XIAP: variants seen among roughly 807,000 people sequenced by gnomAD.
XIAP encodes the protein X-linked inhibitor of apoptosis.
XIAP carries 3 observed loss-of-function variants against 33.1 expected under a neutral mutation model. The ratio of observed to expected loss-of-function variants is 0.09; its 90% CI spans 0.04 to 0.23. The LOEUF is 0.23. Ranked by LOEUF, XIAP falls within the 10% of genes least tolerant of loss-of-function variation. The pLI is 1.00. For synonymous variants in XIAP, 98 were observed against 121.3 expected, an observed-to-expected ratio of 0.81 and a Z score of 1.26; for missense variants, 264 against 363.0, an observed-to-expected ratio of 0.73 and a Z score of 2.22.
At position 123,886,378 on chromosome X, in the gene XIAP, G is replaced by A. The variant is rs751640412; in HGVS notation, c.716G>A (p.Ser239Asn). 1.7e-6 allele frequency: 2 copies of A among 1,211,920 alleles called. No individual in the cohort carries two copies. The highest frequency in any genetic ancestry group is 2.2e-6 in the Non-Finnish European group (2 of 895,627). The change falls in exon 2 of 7, where the codon AGT (serine) becomes AAT (asparagine). Residue 239 changes from serine (S) to asparagine (N), a missense_variant. By Grantham distance (46) the Ser-to-Asn change is conservative (BLOSUM62 1). Coordinates refer to ENST00000371199, the MANE Select transcript of XIAP (RefSeq NM_001167.4). ...FVLGRNLNIR[S>N]ESDAVSSDRN... ...TTGGGCCGGAATCTTAATATTCGAA[G>A]TGAATCTGATGCTGTGAGTTCTGAT...
rs2053618632 is a variant in XIAP, at chrX:123,912,928, G to A, written c.*5747G>A. On this transcript the variant is annotated 3_prime_UTR_variant, in exon 7 of 7. Coordinates refer to ENST00000371199, the MANE Select transcript of XIAP (RefSeq NM_001167.4). ...CCCAAAGTGCTGGGATTACAGGCGT[G>A]AGCCACCACGGCCGGCTAATTTTTG... is the stretch of plus-strand genomic sequence containing the variant. 3.2e-6 allele frequency: 1 copy of A among 309,749 alleles called. No individual in the cohort carries two copies. Among genetic ancestry groups the A allele is most frequent in the Admixed American group, 3.5e-5 (1 of 28,671 alleles). 25.5% of individuals were successfully genotyped at this position (309,749 alleles called of 1,213,427 possible).
Position 123,862,299 on chromosome X carries a change from C to T in XIAP, c.-33+2006C>T, listed in dbSNP as rs1480500697. 2.8e-5 allele frequency among the ~76,000 whole-genome samples: 3 copies of T among 108,864 alleles called. No individual in the cohort carries two copies. The South Asian group carries it at 1.2e-3, about 44-fold the overall frequency. The allele number at this position is 108,864 out of a possible 115,157, so 94.5% of individuals were successfully genotyped here. A position where few individuals can be genotyped will look rare whatever the true frequency, so the allele number is the denominator to read the frequency against. On this transcript the variant is annotated intron_variant, in intron 1 of 6. Transcript: ENST00000371199. Reference sequence around the variant, plus strand: ...GGCCAGGCTGATCTCGAACTCCTGACCTCAGGTGATGCACCCGCCTCGGCC... The same window carrying T: ...GGCCAGGCTGATCTCGAACTCCTGATCTCAGGTGATGCACCCGCCTCGGCC...
chrX:123,861,540 T>C (rs768542499), intron 1 of XIAP, among the ~76,000 whole-genome samples: 1 of 111,236 alleles, frequency 9.0e-6, no homozygotes, highest in Non-Finnish European at 1.9e-5. Context: ...GGATACACAA[T>C]AAAAATGTTA....
chrX:123,873,945 A>C (rs1400660599), intron 1 of XIAP: 4 of 110,029 alleles, frequency 3.6e-5, no homozygotes, highest in African/African-American at 1.3e-4. Context: ...AAAAAAAAAA[A>C]AAAAACCTGG....
chrX:123,868,813 C>T (rs931764959), intron 1 of XIAP, among the ~76,000 whole-genome samples: 3 of 111,866 alleles, frequency 2.7e-5, no homozygotes, highest in Admixed American at 9.6e-5. Context: ...AATAGGTTAT[C>T]CTTTATATGA....
intron 5 of XIAP, among the ~76,000 whole-genome samples, chrX:123,899,408 T>A (rs2053497174): frequency 9.5e-6 from 1 of 104,997 alleles, no homozygotes; most frequent in African/African-American, 3.4e-5. Flanking sequence ...TAAATATGTG[T>A]TAAATATATA....
intron 6 of XIAP, 43 bp downstream of exon 6, chrX:123,900,736 G>C: frequency 8.8e-7 from 1 of 1,137,467 alleles, no homozygotes; most frequent in Non-Finnish European, 1.2e-6. Context: ...GGCCAGATGT[G>C]GTGGCTCATA....
chrX:123,883,496 C>CT lies in XIAP; in HGVS notation c.-32-2118dup, dbSNP rs137863947. On this transcript the variant is annotated intron_variant, in intron 1 of 6. Coordinates refer to ENST00000371199, the MANE Select transcript of XIAP (RefSeq NM_001167.4). Reference sequence around the variant, plus strand: ...TGGTTTTTTTCTTTTCTTTTCTTTTCTTTTTTTTTTTTTTTTTGAGACAGA... The same window carrying CT: ...TGGTTTTTTTCTTTTCTTTTCTTTTCTTTTTTTTTTTTTTTTTTGAGACAGA... Among the ~76,000 whole-genome samples the CT allele has an allele frequency of 8.2e-4, 53 of 64,291 alleles. 2 individuals are homozygous for CT. The highest frequency in any genetic ancestry group is 7.9e-3 in the Middle Eastern group (1 of 126). 55.8% of individuals were successfully genotyped at this position (64,291 alleles called of 115,157 possible).
chrX:123,873,340 A>G (rs1481319126), intron 1 of XIAP, among the ~76,000 whole-genome samples: 2 of 93,538 alleles, frequency 2.1e-5, no homozygotes, highest in East Asian at 6.7e-4. Flanking sequence ...CCTAATTTTT[A>G]TTTTATTTTT....
intron 1 of XIAP, among the ~76,000 whole-genome samples, chrX:123,880,441 A>T (rs1431817868): frequency 6.8e-5 from 3 of 44,398 alleles, no homozygotes; most frequent in African/African-American, 3.4e-4. Flanking sequence ...AACCCTAATA[A>T]AAAAAAAAAA....
At chrX:123,882,784 T>C (rs999206808) in intron 1 of XIAP, among the ~76,000 whole-genome samples, 1 of 112,323 alleles carries the variant, frequency 8.9e-6, no homozygotes, top group Admixed American at 9.5e-5. Context: ...GCAACAGATT[T>C]TTTTTGTTTG....
chrX:123,863,506 G>A (rs1375625158), intron 1 of XIAP, among the ~76,000 whole-genome samples: 3 of 111,434 alleles, frequency 2.7e-5, no homozygotes, highest in Non-Finnish European at 5.7e-5. Context: ...GAGTTCAGCT[G>A]TCTAGTTTTG....
rs138895192 is a variant in XIAP, at chrX:123,877,639, T to A, written c.-32-7992T>A. On this transcript the variant is annotated intron_variant, in intron 1 of 6. Coordinates refer to ENST00000371199, the MANE Select transcript of XIAP (RefSeq NM_001167.4). ...ACTGGGAACATAAGAACTGAGGTCC[T>A]CCAGTACCAAGAGATAGAATCAAAC... is the stretch of plus-strand genomic sequence containing the variant. Among the ~76,000 whole-genome samples the A allele has an allele frequency of 9.8e-3, 1,092 of 111,710 alleles. 12 individuals carry two copies. The highest frequency in any genetic ancestry group is 0.033 in the African/African-American group (1,022 of 30,761).
At chrX:123,896,785 T>C (rs1253333552) in intron 5 of XIAP, among the ~76,000 whole-genome samples, 2 of 108,600 alleles carry the variant, frequency 1.8e-5, no homozygotes, top group East Asian at 5.8e-4. Context: ...GGTTTCACCA[T>C]GTTGGCCAGG....
chrX:123,861,912 A>G (rs1281434722), intron 1 of XIAP, among the ~76,000 whole-genome samples: 1 of 111,919 alleles, frequency 8.9e-6, no homozygotes, highest in Non-Finnish European at 1.9e-5. Context: ...ACTAGTCGTC[A>G]TATATTTTTA....
At chrX:123,899,155 ATATATATATATGATTT>A (rs1226070926) in intron 5 of XIAP, among the ~76,000 whole-genome samples, 2,608 of 30,427 alleles carry the variant, frequency 0.086, 564 homozygotes, top group Non-Finnish European at 0.1. Flanking sequence ...ATATATATAT[ATATATATATATGATTT>A]TATATATATA....
intron 1 of XIAP, among the ~76,000 whole-genome samples, chrX:123,883,884 G>A (rs1046426225): frequency 7.2e-5 from 8 of 111,685 alleles, no homozygotes; most frequent in African/African-American, 2.6e-4. Context: ...TTTGAATCTT[G>A]ATTTTTGTCA....
At chrX:123,900,810 T>G in intron 6 of XIAP, 117 bp downstream of exon 6, 1 of 643,574 alleles carries the variant, frequency 1.6e-6, no homozygotes, top group Non-Finnish European at 2.6e-6. Context: ...AAACGTAACC[T>G]TAATGCTGTG....
rs1312641169 is a variant in XIAP at position 123,894,307 on chromosome X, ATAGT to A, written c.1099+1539_1099+1542del. On this transcript the variant is annotated intron_variant, in intron 5 of 6. Transcript: ENST00000371199. ...TGACTTGCGCACAATCACATTACAA[ATAGT>A]TAGTGGAACTAGGACCACAAGCAAG... Among the ~76,000 whole-genome samples, 6 of 112,724 alleles carry A rather than the reference ATAGT, an allele frequency of 5.3e-5. No homozygotes were observed. The South Asian group carries it at 1.4e-3, about 27-fold the overall frequency.
Sources: allele counts gnomAD v4.1 joint callset (sites outside exome capture counted in the v4.1 genomes callset), GRCh38; gene constraint gnomAD v4.1.1; transcripts MANE v1.5; gene names NCBI Gene and HGNC (gene_info 2026-07-23, HGNC 2026-07-21).